The following CATSPERB variants were observed in gnomAD, a reference collection of about 807,000 sequenced individuals.
CATSPERB encodes catsper channel auxiliary subunit beta, also known as cation channel sperm-associated auxiliary subunit beta.
CATSPERB carries 93 observed loss-of-function variants against 128.3 expected under a neutral mutation model. The ratio of observed to expected loss-of-function variants is 0.72; its 90% CI spans 0.61 to 0.86. The LOEUF is 0.86. Ranked by LOEUF, CATSPERB falls within the 40% of genes least tolerant of loss-of-function variation. The pLI, the probability that CATSPERB is intolerant of heterozygous loss-of-function variation, is 0.00. For synonymous variants in CATSPERB, 381 were observed against 448.8 expected, an observed-to-expected ratio of 0.85 and a Z score of 1.91; for missense variants, 1,153 against 1,329.5, an observed-to-expected ratio of 0.87 and a Z score of 2.06.
intron 15 of CATSPERB, among the ~76,000 whole-genome samples, chr14:91,652,554 C>T (rs1323458692): frequency 1.3e-5 from 2 of 150,700 alleles, no homozygotes; most frequent in Non-Finnish European, 3.0e-5. Flanking sequence ...ATCTGTAATC[C>T]CAGCTACTCG....
intron 22 of CATSPERB, chr14:91,605,339 A>G: frequency 1.4e-6 from 1 of 704,690 alleles, no homozygotes; most frequent in Non-Finnish European, 2.5e-6. Flanking sequence ...GGGGAAGAGG[A>G]GGAAAAAATT....
chr14:91,604,074 G>C (rs1486809804), intron 22 of CATSPERB, among the ~76,000 whole-genome samples: 1 of 149,802 alleles, frequency 6.7e-6, no homozygotes, highest in African/African-American at 2.5e-5. Flanking sequence ...TGTCACCCAG[G>C]CTGGACTGCA....
At chr14:91,641,272 T>A (rs1170125692) in intron 15 of CATSPERB, among the ~76,000 whole-genome samples, 1 of 150,246 alleles carries the variant, frequency 6.7e-6, no homozygotes, top group Non-Finnish European at 1.5e-5. Flanking sequence ...TGCCTTTTGT[T>A]GCCATTGCTT....
At chr14:91,725,689 T>C (rs1285279084) in intron 2 of CATSPERB, among the ~76,000 whole-genome samples, 1 of 151,938 alleles carries the variant, frequency 6.6e-6, no homozygotes, top group Non-Finnish European at 1.5e-5. Context: ...CAAGAGATGA[T>C]TTGGTGGAGA....
intron 15 of CATSPERB, among the ~76,000 whole-genome samples, chr14:91,653,752 C>G (rs1894745512): frequency 6.6e-6 from 1 of 152,130 alleles, no homozygotes; most frequent in Non-Finnish European, 1.5e-5. Context: ...CTGGGAGATA[C>G]AACTCAAGTT....
chr14:91,586,464 G>A (rs540355891), intron 26 of CATSPERB, among the ~76,000 whole-genome samples: 1 of 151,486 alleles, frequency 6.6e-6, no homozygotes, highest in African/African-American at 2.4e-5. Flanking sequence ...GGTTTTAGAG[G>A]TTTGCACTGC....
At chr14:91,634,300 A>T (rs1044291003) in intron 17 of CATSPERB, among the ~76,000 whole-genome samples, 1 of 152,188 alleles carries the variant, frequency 6.6e-6, no homozygotes, top group African/African-American at 2.4e-5. Context: ...CATCTTCTTG[A>T]TTAGGCTGAG....
Position 91,669,992 on chromosome 14 carries a change from G to GGCGGGTGGATCATGAGGTCAGGAGAT in CATSPERB, c.1129-21_1129-20insATCTCCTGACCTCATGATCCACCCGC, listed in dbSNP as rs760197483. The GGCGGGTGGATCATGAGGTCAGGAGAT allele has an allele frequency of 6.2e-7, 1 of 1,606,796 alleles. No homozygotes were observed. Among genetic ancestry groups the GGCGGGTGGATCATGAGGTCAGGAGAT allele is most frequent in the Non-Finnish European group, 8.5e-7 (1 of 1,176,928 alleles). On this transcript the variant is annotated intron_variant, in intron 13 of 26. Transcript: ENST00000256343. ...CCTGACCTAGGTAAACAAAGAATGA[G>GGCGGGTGGATCATGAGGTCAGGAGAT]CAAGTCATAAGACTAGTCTGTGTTA... is the stretch of plus-strand genomic sequence containing the variant.
intron 20 of CATSPERB, among the ~76,000 whole-genome samples, chr14:91,613,351 ATATG>A (rs1173712234): frequency 1.3e-5 from 2 of 152,202 alleles, no homozygotes; most frequent in African/African-American, 4.8e-5. Flanking sequence ...AAATTTTAGA[ATATG>A]TAAGAAAAAT....
chr14:91,632,586 A>G (rs946066174), intron 17 of CATSPERB, among the ~76,000 whole-genome samples: 3 of 152,180 alleles, frequency 2.0e-5, no homozygotes, highest in African/African-American at 7.2e-5. Flanking sequence ...TGACACAACT[A>G]TAATTTTAAA....
chr14:91,617,472 T>C, intron 20 of CATSPERB, 125 bp downstream of exon 20: 1 of 620,308 alleles, frequency 1.6e-6, no homozygotes, highest in Non-Finnish European at 2.6e-6. Flanking sequence ...CTTGTAACCC[T>C]ATACTCTTAT....
At chr14:91,685,587 A>G (rs1440469995) in intron 10 of CATSPERB, among the ~76,000 whole-genome samples, 1 of 152,196 alleles carries the variant, frequency 6.6e-6, no homozygotes, top group East Asian at 1.9e-4. Context: ...GGCTCAACAG[A>G]CAAAATAGGG....
intron 22 of CATSPERB, among the ~76,000 whole-genome samples, chr14:91,603,935 T>C (rs1036153447): frequency 2.0e-5 from 3 of 151,378 alleles, no homozygotes; most frequent in South Asian, 2.1e-4. Context: ...TCACCTTGTC[T>C]GGAGAAATGT....
At chr14:91,594,549 G>A (rs1218700812) in intron 22 of CATSPERB, among the ~76,000 whole-genome samples, 1 of 151,800 alleles carries the variant, frequency 6.6e-6, no homozygotes, top group Non-Finnish European at 1.5e-5. Flanking sequence ...CCCCAGCCAT[G>A]TGGAACTGTA....
chr14:91,637,534 G>A (rs1251727806), intron 16 of CATSPERB, among the ~76,000 whole-genome samples: 1 of 152,184 alleles, frequency 6.6e-6, no homozygotes, highest in African/African-American at 2.4e-5. Context: ...GGCAGCAGGT[G>A]GCTAAGAGCA....
chr14:91,686,719 A>T (rs1291211732), intron 10 of CATSPERB, among the ~76,000 whole-genome samples: 1 of 152,218 alleles, frequency 6.6e-6, no homozygotes, highest in African/African-American at 2.4e-5. Flanking sequence ...AAAAGTGCAT[A>T]AGTATTTATC....
At chr14:91,593,890 G>A (rs1466661201) in intron 22 of CATSPERB, among the ~76,000 whole-genome samples, 1 of 126,002 alleles carries the variant, frequency 7.9e-6, no homozygotes, top group Admixed American at 9.0e-5. Flanking sequence ...GGACCCAGGG[G>A]GAAGTCATTG....
In CATSPERB at chr14:91,659,855, C is replaced by A; in HGVS notation, c.1414G>T (p.Val472Phe). ...AITFVSQRGK[V>F]YSTKAGMGRY... ...TTCTTACCTGCCTTTGTCGAGTAAACCTTTCCACGTTGAGAAACAAAAGTA... is the reference window on the plus strand; with the variant it reads ...TTCTTACCTGCCTTTGTCGAGTAAAACTTTCCACGTTGAGAAACAAAAGTA... Residue 472 changes from valine (V) to phenylalanine (F), a missense_variant, in exon 15 of 27, where the codon GTT becomes TTT. By Grantham distance (50) the Val-to-Phe change is conservative (BLOSUM62 -1). Coordinates refer to ENST00000256343, the MANE Select transcript of CATSPERB (RefSeq NM_024764.4). 1 of 1,605,746 alleles carries A rather than the reference C, an allele frequency of 6.2e-7. No individual in the cohort carries two copies. Among genetic ancestry groups the A allele is most frequent in the Non-Finnish European group, 8.5e-7 (1 of 1,178,070 alleles).
At chr14:91,680,828 C>T (rs1895267511) in intron 11 of CATSPERB, among the ~76,000 whole-genome samples, 1 of 152,142 alleles carries the variant, frequency 6.6e-6, no homozygotes, top group African/African-American at 2.4e-5. Context: ...TCCCCCTTGG[C>T]CAAGGGAACC....
Sources: allele counts gnomAD v4.1 joint callset (sites outside exome capture counted in the v4.1 genomes callset), GRCh38; gene constraint gnomAD v4.1.1; transcripts MANE v1.5; gene names NCBI Gene and HGNC (gene_info 2026-07-23, HGNC 2026-07-21).